Variants in ARHGAP26 observed in about 807,000 individuals in gnomAD.
The protein encoded by ARHGAP26 is Rho GTPase activating protein 26, also known as rho GTPase-activating protein 26.
ARHGAP26 carries 38 observed loss-of-function variants against 104.8 expected under a neutral mutation model. The observed-to-expected ratio is 0.36, with a 90% CI of 0.28 to 0.48. The LOEUF is 0.48. Among genes scored for constraint, ARHGAP26 ranks in the 20% least tolerant of loss-of-function variants. The probability of loss-of-function intolerance (pLI) is 0.99; values close to 1 mark genes in which losing one functional copy is unlikely to be tolerated. For synonymous variants in ARHGAP26, 341 were observed against 340.0 expected (o/e 1.00, Z -0.03); for missense variants, 704 against 947.9 (o/e 0.74, Z 3.38).
At chr5:143,143,758 C>A (rs1397268354) in intron 19 of ARHGAP26, among the ~76,000 whole-genome samples, 1 of 152,210 alleles carries the variant, frequency 6.6e-6, no homozygotes, top group Non-Finnish European at 1.5e-5. Flanking sequence ...GGTGACCTCA[C>A]CTGCCACGTT....
intron 11 of ARHGAP26, among the ~76,000 whole-genome samples, chr5:142,971,318 G>A (rs1772239409): frequency 6.6e-6 from 1 of 152,132 alleles, no homozygotes; most frequent in Non-Finnish European, 1.5e-5. Flanking sequence ...TGCTTTTGAA[G>A]AGAATGAAAT....
In ARHGAP26 at chr5:143,207,280, T is replaced by C; in HGVS notation, c.2071T>C (p.Ser691Pro). 6.2e-7 allele frequency: 1 copy of C among 1,614,126 alleles called. No homozygotes were observed. The highest frequency in any genetic ancestry group is 8.5e-7 in the Non-Finnish European group (1 of 1,179,998). Reference protein sequence around the residue: ...SAPSSPMPTSSTSSDSSPVST... With the variant: ...SAPSSPMPTSPTSSDSSPVST... ...GCCATCCAGCCCTATGCCCACCTCATCCACGTCCAGCGACTCATCCCCCGT... is the reference window on the plus strand; with the variant it reads ...GCCATCCAGCCCTATGCCCACCTCACCCACGTCCAGCGACTCATCCCCCGT... The change falls in exon 21 of 23, where the codon TCC becomes CCC. Residue 691 changes from serine (S) to proline (P), a missense_variant. Physicochemically the swap from Ser to Pro is moderately conservative, Grantham distance 74. Coordinates refer to ENST00000645722, the MANE Select transcript of ARHGAP26 (RefSeq NM_001135608.3).
intron 20 of ARHGAP26, among the ~76,000 whole-genome samples, chr5:143,191,420 T>G (rs149869234): frequency 6.6e-6 from 1 of 152,276 alleles, no homozygotes; most frequent in East Asian, 1.9e-4. Flanking sequence ...ATGCCACACT[T>G]TTACAAGAGG....
rs866140739 is a variant in ARHGAP26, at chr5:143,097,372, A to G, written c.1539-23616A>G. ...GTCTCAAAAAAAAGAAAAAAAAAAA[A>G]AAAAAAAAAAAGAGCATATCTGACT... On this transcript the variant is annotated intron_variant, in intron 17 of 22. Coordinates refer to ENST00000645722, the MANE Select transcript of ARHGAP26 (RefSeq NM_001135608.3). 1.8e-3 allele frequency among the ~76,000 whole-genome samples: 274 copies of G among 151,158 alleles called. 3 individuals carry two copies. Among genetic ancestry groups the G allele is most frequent in the Middle Eastern group, 6.8e-3 (2 of 294 alleles).
chr5:142,802,077 A>G (rs966395586), intron 1 of ARHGAP26, among the ~76,000 whole-genome samples: 91 of 152,234 alleles, frequency 6.0e-4, no homozygotes, highest in African/African-American at 2.0e-3. Flanking sequence ...GAGAGAAACT[A>G]TTCTGTGGTA....
rs572261843 is a variant in ARHGAP26, at chr5:142,990,406, C to T, written c.1108-23674C>T. Among the ~76,000 whole-genome samples, 4 of 152,276 alleles carry T rather than the reference C, an allele frequency of 2.6e-5. No homozygotes were observed. In the South Asian group the frequency reaches 6.2e-4, roughly 24 times the overall value. On this transcript the variant is annotated intron_variant, in intron 11 of 22. Coordinates refer to ENST00000645722, the MANE Select transcript of ARHGAP26 (RefSeq NM_001135608.3). The stretch of plus-strand genomic sequence containing the variant: ...TCTTTGTGATGGGTTCGAGCATCCT[C>T]CTTTAACTCAGAGAAGTTTATTCTT...
At chr5:142,896,410 G>A (rs1166274511) in intron 6 of ARHGAP26, among the ~76,000 whole-genome samples, 1 of 152,130 alleles carries the variant, frequency 6.6e-6, no homozygotes, top group Non-Finnish European at 1.5e-5. Context: ...TACCTAGTGA[G>A]TCAGGTATTT....
At chr5:142,774,719 T>C (rs1755946082) in intron 1 of ARHGAP26, among the ~76,000 whole-genome samples, 1 of 152,184 alleles carries the variant, frequency 6.6e-6, no homozygotes, top group Non-Finnish European at 1.5e-5. Flanking sequence ...CTAAAAATCC[T>C]ATGTGCTCCA....
intron 5 of ARHGAP26, among the ~76,000 whole-genome samples, chr5:142,885,844 C>G (rs1302815499): frequency 2.6e-5 from 4 of 152,188 alleles, no homozygotes; most frequent in Admixed American, 1.3e-4. Context: ...ATTATTTCAA[C>G]CAGCACTTGA....
At chr5:142,862,826 A>G (rs996237954) in intron 1 of ARHGAP26, among the ~76,000 whole-genome samples, 3 of 152,210 alleles carry the variant, frequency 2.0e-5, no homozygotes, top group African/African-American at 7.2e-5. Context: ...CAGATGGTAC[A>G]CGTCACCCTC....
At chr5:142,858,999 G>T (rs1264253201) in intron 1 of ARHGAP26, among the ~76,000 whole-genome samples, 2 of 152,188 alleles carry the variant, frequency 1.3e-5, no homozygotes, top group Non-Finnish European at 2.9e-5. Flanking sequence ...AGTGGGGCTG[G>T]GTATGGAGTG....
At chr5:142,825,703 T>G (rs1767106529) in intron 1 of ARHGAP26, among the ~76,000 whole-genome samples, 2 of 152,154 alleles carry the variant, frequency 1.3e-5, no homozygotes. Flanking sequence ...CAACACTGAC[T>G]CAAGGAAAAG....
chr5:142,856,216 A>G (rs1752332033), intron 1 of ARHGAP26, among the ~76,000 whole-genome samples: 1 of 152,242 alleles, frequency 6.6e-6, no homozygotes, highest in Admixed American at 6.5e-5. Flanking sequence ...CTGTGGGCAC[A>G]CAGTGGGGGC....
intron 10 of ARHGAP26, 94 bp from the exon 11 acceptor site, chr5:142,931,947 GCAGCCA>G (rs1459490566): frequency 2.6e-5 from 29 of 1,101,812 alleles, no homozygotes; most frequent in Non-Finnish European, 3.9e-5. Context: ...GTTAACCTTA[GCAGCCA>G]CTGACTCTTT....
chr5:142,891,199 A>C (rs1598109412), intron 5 of ARHGAP26, among the ~76,000 whole-genome samples: 1 of 151,974 alleles, frequency 6.6e-6, no homozygotes. Context: ...CAGTTGTCTA[A>C]GCAGCCACAC....
chr5:142,943,494 T>C lies in ARHGAP26; in HGVS notation c.1107+11369T>C, dbSNP rs114658936. 4.9e-3 allele frequency among the ~76,000 whole-genome samples: 744 copies of C among 152,274 alleles called. 6 individuals carry two copies. Among genetic ancestry groups the C allele is most frequent in the African/African-American group, 0.017 (712 of 41,554 alleles). ...GCAGGGCAGCTCTCTGGAGCTTCTT[T>C]TATGAGGGCACCCATCCCATTCATG... is the stretch of plus-strand genomic sequence containing the variant. On this transcript the variant is annotated intron_variant, in intron 11 of 22. Transcript: ENST00000645722.
rs146353428 is a variant in ARHGAP26 at position 143,189,346 on chromosome 5, C to CA, written c.1989-17851dup. On this transcript the variant is annotated intron_variant, in intron 20 of 22. Transcript: ENST00000645722. ...TGGGCTTAAGACAGTGAGCCCTCAG[C>CA]AGTCTACTTTGTTGAGATCTCGGCT... Among the ~76,000 whole-genome samples, 16 of 152,282 alleles carry CA rather than the reference C, an allele frequency of 1.1e-4. No individual in the cohort carries two copies. The East Asian group carries it at 3.1e-3, about 29-fold the overall frequency.
chr5:143,055,595 C>A (rs543072172), intron 15 of ARHGAP26, among the ~76,000 whole-genome samples: 1 of 152,174 alleles, frequency 6.6e-6, no homozygotes, highest in Non-Finnish European at 1.5e-5. Context: ...GAATTCACCA[C>A]CACAACACCT....
chr5:142,868,406 A>G (rs962371228), intron 1 of ARHGAP26, among the ~76,000 whole-genome samples: 4 of 152,144 alleles, frequency 2.6e-5, no homozygotes, highest in Admixed American at 6.5e-5. Context: ...CACAGGGCTC[A>G]CTGCTGGTAT....
Sources: allele counts gnomAD v4.1 joint callset (sites outside exome capture counted in the v4.1 genomes callset), GRCh38; gene constraint gnomAD v4.1.1; transcripts MANE v1.5; gene names NCBI Gene and HGNC (gene_info 2026-07-23, HGNC 2026-07-21).